Variants in GRM1 observed in about 807,000 individuals in gnomAD.
The protein encoded by GRM1 is glutamate metabotropic receptor 1, also known as metabotropic glutamate receptor 1.
In GRM1, 33 loss-of-function variants were observed where a neutral mutation model predicts 90.9. The observed-to-expected ratio is 0.36, with a 90% CI of 0.28 to 0.49. The LOEUF (loss-of-function observed/expected upper bound fraction) is 0.49, where lower values mean the gene tolerates loss of function less well. Ranked by LOEUF, GRM1 falls within the 20% of genes least tolerant of loss-of-function variation. The pLI is 0.99. For missense variants in GRM1, 1,190 were observed against 1,534.3 expected, an observed-to-expected ratio of 0.78 and a Z score of 3.75; for synonymous variants, 700 against 613.2, an observed-to-expected ratio of 1.14 and a Z score of -2.09.
intron 5 of GRM1, among the ~76,000 whole-genome samples, chr6:146,359,743 A>G (rs191567047): frequency 2.0e-5 from 3 of 152,226 alleles, no homozygotes; most frequent in East Asian, 3.9e-4. Context: ...GCACCTAGAC[A>G]CTGAAGTGTT....
chr6:146,172,740 T>C (rs147778322), intron 2 of GRM1, among the ~76,000 whole-genome samples: 30 of 152,292 alleles, frequency 2.0e-4, no homozygotes, highest in African/African-American at 3.8e-4. Flanking sequence ...ATATGAGTCT[T>C]AGAGGGTAGG....
intron 1 of GRM1, among the ~76,000 whole-genome samples, chr6:146,126,516 A>G (rs1033041054): frequency 6.6e-6 from 1 of 152,118 alleles, no homozygotes; most frequent in Non-Finnish European, 1.5e-5. Flanking sequence ...AAATCACTAA[A>G]CCAGAGAATC....
At chr6:146,036,576 A>G (rs1381362188) in intron 1 of GRM1, among the ~76,000 whole-genome samples, 1 of 152,036 alleles carries the variant, frequency 6.6e-6, no homozygotes, top group Non-Finnish European at 1.5e-5. Flanking sequence ...TCTGTATTCC[A>G]GAAAGCTTTA....
intron 2 of GRM1, among the ~76,000 whole-genome samples, chr6:146,213,323 G>C (rs1779743851): frequency 6.6e-6 from 1 of 152,074 alleles, no homozygotes; most frequent in East Asian, 1.9e-4. Flanking sequence ...GTAAGTAAAG[G>C]CCAGATATTA....
At chr6:146,382,930 G>A (rs1264758706) in intron 5 of GRM1, among the ~76,000 whole-genome samples, 1 of 152,024 alleles carries the variant, frequency 6.6e-6, no homozygotes, top group Non-Finnish European at 1.5e-5. Context: ...ATCTTACTCT[G>A]GAGTGAGAAG....
intron 2 of GRM1, among the ~76,000 whole-genome samples, chr6:146,210,750 C>T (rs1014475311): frequency 6.6e-6 from 1 of 152,126 alleles, no homozygotes; most frequent in African/African-American, 2.4e-5. Flanking sequence ...TTTACAAATT[C>T]TTTATTCTGA....
At chr6:146,251,482 T>C (rs1203494612) in intron 2 of GRM1, among the ~76,000 whole-genome samples, 1 of 152,214 alleles carries the variant, frequency 6.6e-6, no homozygotes, top group Non-Finnish European at 1.5e-5. Flanking sequence ...CCATTTTGAA[T>C]TATTTGTGAC....
intron 2 of GRM1, among the ~76,000 whole-genome samples, chr6:146,284,930 G>C (rs1168086838): frequency 6.6e-6 from 1 of 152,186 alleles, no homozygotes; most frequent in African/African-American, 2.4e-5. Context: ...TGATGGATAA[G>C]TCCTTGAAAT....
intron 2 of GRM1, among the ~76,000 whole-genome samples, chr6:146,209,546 T>C (rs1383503261): frequency 6.6e-6 from 1 of 152,006 alleles, no homozygotes; most frequent in African/African-American, 2.4e-5. Flanking sequence ...TTCTACTATA[T>C]AGGGTTTCAG....
intron 2 of GRM1, among the ~76,000 whole-genome samples, chr6:146,262,086 A>AAAC (rs1260260107): frequency 6.9e-6 from 1 of 144,180 alleles, no homozygotes; most frequent in Non-Finnish European, 1.5e-5. Flanking sequence ...AAACAAAACA[A>AAAC]AAAAAAAAAA....
chr6:146,036,779 G>A (rs1251397628), intron 1 of GRM1, among the ~76,000 whole-genome samples: 2 of 151,844 alleles, frequency 1.3e-5, no homozygotes, highest in Middle Eastern at 6.9e-3. Flanking sequence ...AGAAGCACAG[G>A]ATTTTGATAG....
At chr6:146,366,929 C>G (rs765480515) in intron 5 of GRM1, among the ~76,000 whole-genome samples, 15 of 152,006 alleles carry the variant, frequency 9.9e-5, no homozygotes, top group Non-Finnish European at 2.2e-4. Flanking sequence ...TCTATTTTTG[C>G]TTTTGTTGCC....
intron 2 of GRM1, among the ~76,000 whole-genome samples, chr6:146,296,814 C>T (rs1783194153): frequency 6.6e-6 from 1 of 152,184 alleles, no homozygotes; most frequent in African/African-American, 2.4e-5. Flanking sequence ...TGACTTCAAG[C>T]CTCCTCAGGC....
At position 146,364,738 on chromosome 6, in the gene GRM1, G is replaced by T. The variant is rs1230862500; in HGVS notation, c.1602+7044G>T. On this transcript the variant is annotated intron_variant, in intron 5 of 7. Transcript: ENST00000282753. ...AATTATAAATCTTTTACCACATCAC[G>T]CCTCTCTCTCTCTGTCTGTCTTTCT... Among the ~76,000 whole-genome samples, 5 of 147,086 alleles carry T rather than the reference G, an allele frequency of 3.4e-5. No individual in the cohort carries two copies. The South Asian group carries it at 1.1e-3, about 32-fold the overall frequency.
chr6:146,433,614 G>A (rs930615817), intron 7 of GRM1, among the ~76,000 whole-genome samples: 4 of 151,890 alleles, frequency 2.6e-5, no homozygotes, highest in Non-Finnish European at 4.4e-5. Context: ...AGAGAGGTTT[G>A]TGAAATCTTA....
chr6:146,198,370 T>C (rs1388766028), intron 2 of GRM1, among the ~76,000 whole-genome samples: 1 of 152,180 alleles, frequency 6.6e-6, no homozygotes, highest in Non-Finnish European at 1.5e-5. Context: ...TTTAGGAATT[T>C]AGTGATGGCA....
At chr6:146,300,115 C>A (rs1783319667) in intron 2 of GRM1, among the ~76,000 whole-genome samples, 1 of 152,018 alleles carries the variant, frequency 6.6e-6, no homozygotes, top group Non-Finnish European at 1.5e-5. Flanking sequence ...ATATTGTAAT[C>A]TCTGGAATAT....
At chr6:146,031,547 CATT>C (rs1158508755) in intron 1 of GRM1, among the ~76,000 whole-genome samples, 3 of 152,072 alleles carry the variant, frequency 2.0e-5, no homozygotes, top group Non-Finnish European at 2.9e-5. Context: ...TAGGATTACA[CATT>C]ATAATTTCAG....
rs915921892 is a variant in GRM1 at position 146,351,997 on chromosome 6, G to A, written c.1187-253G>A. ...CAATATTCAAAAGTCCTTTATTTTC[G>A]CCTCTGTGGAGTTTGTTTTATATCT... On this transcript the variant is annotated intron_variant, in intron 3 of 7. Transcript: ENST00000282753. 2.4e-4 allele frequency among the ~76,000 whole-genome samples: 37 copies of A among 151,962 alleles called. 1 individual carries two copies. Among genetic ancestry groups the A allele is most frequent in the South Asian group, 2.1e-4 (1 of 4,812 alleles).
Sources: gnomAD v4.1 joint callset for allele counts (sites outside exome capture counted in the v4.1 genomes callset) on GRCh38, gnomAD v4.1.1 for gene constraint, MANE v1.5 for transcripts, NCBI Gene and HGNC (gene_info 2026-07-23, HGNC 2026-07-21) for gene names.